ZCCHC7: variants seen among roughly 807,000 people sequenced by gnomAD.
The protein encoded by ZCCHC7 is zinc finger CCHC-type containing 7.
In ZCCHC7, 35 loss-of-function variants were observed where a neutral mutation model predicts 52.0. The ratio of observed to expected loss-of-function variants is 0.67; its 90% CI spans 0.51 to 0.89. The LOEUF (loss-of-function observed/expected upper bound fraction) is 0.89. ZCCHC7 is among the 40% of genes least tolerant of loss of function. The pLI, the probability that ZCCHC7 is intolerant of heterozygous loss-of-function variation, is 0.00. For synonymous variants in ZCCHC7, 217 were observed against 221.5 expected (o/e 0.98, Z 0.18); for missense variants, 574 against 649.1 (o/e 0.88, Z 1.26).
rs564584367 is a variant in ZCCHC7 at position 37,167,211 on chromosome 9, G to A, written c.610+40269G>A. ...TTCAAGGTCATTTTTTTCTTCTGCAGTGTCTATTCTGTCCAATGTGTTTTT... is the reference window on the plus strand; with the variant it reads ...TTCAAGGTCATTTTTTTCTTCTGCAATGTCTATTCTGTCCAATGTGTTTTT... On this transcript the variant is annotated intron_variant, in intron 2 of 8. Transcript: ENST00000336755. 4.0e-5 allele frequency among the ~76,000 whole-genome samples: 6 copies of A among 149,650 alleles called. 1 individual carries two copies. In the South Asian group the frequency reaches 8.4e-4, roughly 21 times the overall value.
chr9:37,195,801 T>A (rs1823260720), intron 2 of ZCCHC7, among the ~76,000 whole-genome samples: 1 of 152,182 alleles, frequency 6.6e-6, no homozygotes, highest in African/African-American at 2.4e-5. Context: ...GAGGAGTAAC[T>A]TATACTAGGT....
chr9:37,196,440 G>GATA, intron 2 of ZCCHC7, among the ~76,000 whole-genome samples: 2 of 152,186 alleles, frequency 1.3e-5, no homozygotes, highest in Non-Finnish European at 2.9e-5. Flanking sequence ...GATTTTTATG[G>GATA]CAGGTAAAGA....
intron 2 of ZCCHC7, 103 bp downstream of exon 2, chr9:37,127,045 A>T: frequency 2.8e-6 from 4 of 1,408,270 alleles, no homozygotes; most frequent in Non-Finnish European, 3.8e-6. Flanking sequence ...TTAATTCCTC[A>T]CTTTTTGGTC....
chr9:37,294,633 T>C (rs1828697846), intron 2 of ZCCHC7, among the ~76,000 whole-genome samples: 1 of 152,210 alleles, frequency 6.6e-6, no homozygotes, highest in Non-Finnish European at 1.5e-5. Flanking sequence ...TAATGATAGT[T>C]CATTAAATTA....
intron 2 of ZCCHC7, among the ~76,000 whole-genome samples, chr9:37,207,041 G>A (rs187027031): frequency 5.3e-5 from 8 of 152,058 alleles, no homozygotes; most frequent in Non-Finnish European, 7.4e-5. Flanking sequence ...AGGGAGGATC[G>A]CTTGAACCCA....
chr9:37,310,653 G>T (rs1336038045), intron 5 of ZCCHC7, among the ~76,000 whole-genome samples: 1 of 152,082 alleles, frequency 6.6e-6, no homozygotes, highest in East Asian at 1.9e-4. Context: ...GGCAATCAAG[G>T]AATCATCAGT....
At chr9:37,130,334 CTTTTTTTTT>C (rs34589957) in intron 2 of ZCCHC7, among the ~76,000 whole-genome samples, 10 of 63,100 alleles carry the variant, frequency 1.6e-4, no homozygotes, top group African/African-American at 4.2e-4. Flanking sequence ...GAATTCTCTC[CTTTTTTTTT>C]TTTTTTTTTT....
At chr9:37,281,127 T>A (rs996314436) in intron 2 of ZCCHC7, among the ~76,000 whole-genome samples, 2 of 152,170 alleles carry the variant, frequency 1.3e-5, no homozygotes, top group African/African-American at 4.8e-5. Flanking sequence ...AGGTCCCTCC[T>A]GCTTCAGCCT....
At chr9:37,271,145 C>T (rs1827390382) in intron 2 of ZCCHC7, among the ~76,000 whole-genome samples, 1 of 152,182 alleles carries the variant, frequency 6.6e-6, no homozygotes, top group African/African-American at 2.4e-5. Flanking sequence ...CATTGTGCCA[C>T]TTCAGAGAAC....
chr9:37,343,195 G>T (rs536088949), intron 6 of ZCCHC7, among the ~76,000 whole-genome samples: 1 of 152,274 alleles, frequency 6.6e-6, no homozygotes, highest in African/African-American at 2.4e-5. Context: ...CTTTTGAATT[G>T]TGTGCCATGT....
At chr9:37,162,643 G>C (rs1257711940) in intron 2 of ZCCHC7, among the ~76,000 whole-genome samples, 2 of 152,154 alleles carry the variant, frequency 1.3e-5, no homozygotes, top group African/African-American at 2.4e-5. Context: ...TTGAATTCCA[G>C]TTTTTAGAAA....
At chr9:37,356,632 A>G (rs182023906) in intron 8 of ZCCHC7, among the ~76,000 whole-genome samples, 25 of 152,302 alleles carry the variant, frequency 1.6e-4, no homozygotes, top group Non-Finnish European at 3.1e-4. Flanking sequence ...AGGATAATTA[A>G]CTATCATTGG....
rs113568842 is a variant in ZCCHC7, at chr9:37,312,576, G to T, written c.951+6862G>T. Among the ~76,000 whole-genome samples the T allele has an allele frequency of 1.6e-3, 250 of 152,318 alleles. 3 individuals carry two copies. The South Asian group carries it at 0.017, about 11-fold the overall frequency. On this transcript the variant is annotated intron_variant, in intron 5 of 8. Transcript: ENST00000336755. ...GACCTAAGAAGGGAGCCAAGTAACT[G>T]TGTCTTTTTATTTTGACATGATTAT...
intron 7 of ZCCHC7, among the ~76,000 whole-genome samples, chr9:37,352,208 G>A (rs528726922): frequency 6.6e-6 from 1 of 152,312 alleles, no homozygotes; most frequent in East Asian, 1.9e-4. Context: ...GAACTATGCA[G>A]GTGGTTAAAG....
At chr9:37,344,779 T>C (rs1820857598) in intron 6 of ZCCHC7, among the ~76,000 whole-genome samples, 1 of 152,264 alleles carries the variant, frequency 6.6e-6, no homozygotes, top group African/African-American at 2.4e-5. Flanking sequence ...ATGTGAGCAA[T>C]GACTTTTATC....
intron 2 of ZCCHC7, among the ~76,000 whole-genome samples, chr9:37,177,252 T>C (rs1180985839): frequency 3.9e-5 from 6 of 152,116 alleles, no homozygotes; most frequent in Admixed American, 3.9e-4. Context: ...GGAGAATTGC[T>C]TGAACCTGGG....
At chr9:37,214,876 G>A (rs1824422936) in intron 2 of ZCCHC7, among the ~76,000 whole-genome samples, 1 of 151,940 alleles carries the variant, frequency 6.6e-6, no homozygotes, top group Non-Finnish European at 1.5e-5. Context: ...ATCAGTTTTT[G>A]TGAAACTAAT....
chr9:37,149,214 A>G (rs567091554), intron 2 of ZCCHC7, among the ~76,000 whole-genome samples: 1 of 152,310 alleles, frequency 6.6e-6, no homozygotes, highest in East Asian at 1.9e-4. Context: ...TATGGTATAG[A>G]ATTTTGTTCC....
chr9:37,355,602 C>T (rs1203824182), intron 8 of ZCCHC7, among the ~76,000 whole-genome samples: 1 of 152,168 alleles, frequency 6.6e-6, no homozygotes, highest in Non-Finnish European at 1.5e-5. Flanking sequence ...AAATGTATGT[C>T]ATCTACAGCT....
Sources: gnomAD v4.1 joint callset for allele counts (sites outside exome capture counted in the v4.1 genomes callset) on GRCh38, gnomAD v4.1.1 for gene constraint, MANE v1.5 for transcripts, NCBI Gene and HGNC (gene_info 2026-07-23, HGNC 2026-07-21) for gene names.